Variants in BICC1 observed in about 807,000 individuals in gnomAD.
BICC1 encodes the protein protein bicaudal C homolog 1.
BICC1 carries 43 observed loss-of-function variants against 111.0 expected under a neutral mutation model. The observed-to-expected ratio is 0.39, with a 90% CI of 0.30 to 0.50. The LOEUF is 0.50. BICC1 is among the 20% of genes least tolerant of loss of function. BICC1 has a pLI of 0.88. For missense variants in BICC1, 1,091 were observed against 1,203.2 expected, an observed-to-expected ratio of 0.91 and a Z score of 1.38; for synonymous variants, 467 against 434.4, an observed-to-expected ratio of 1.07 and a Z score of -0.93.
chr10:58,696,920 C>T (rs1840080549), intron 2 of BICC1, among the ~76,000 whole-genome samples: 1 of 152,132 alleles, frequency 6.6e-6, no homozygotes, highest in African/African-American at 2.4e-5. Flanking sequence ...TCTAGGGCTT[C>T]CCCCACCCCC....
intron 3 of BICC1, among the ~76,000 whole-genome samples, chr10:58,721,199 G>A (rs992441085): frequency 5.3e-5 from 8 of 152,116 alleles, no homozygotes; most frequent in South Asian, 2.1e-4. Context: ...TAGGGACATT[G>A]ACCCCCAGCA....
At chr10:58,572,690 T>C (rs1843996806) in intron 1 of BICC1, among the ~76,000 whole-genome samples, 1 of 152,130 alleles carries the variant, frequency 6.6e-6, no homozygotes, top group Non-Finnish European at 1.5e-5. Context: ...TGTCTACCTG[T>C]AGATATATAG....
At chr10:58,814,619 A>G (rs1466271314) in intron 18 of BICC1, among the ~76,000 whole-genome samples, 3 of 12,274 alleles carry the variant, frequency 2.4e-4, no homozygotes, top group Non-Finnish European at 6.3e-4. Flanking sequence ...CATCTCTACT[A>G]AAAAAAAAAA....
At position 58,707,489 on chromosome 10, in the gene BICC1, TA is replaced by T. The variant is rs926639270; in HGVS notation, c.307+5355del. On this transcript the variant is annotated intron_variant, in intron 3 of 20. Transcript: ENST00000373886. ...CAATAGTAAAATAACCCAACTAGGT[TA>T]AAAAAAAATAGAGTGTAAGGGCATT... 2.1e-4 allele frequency among the ~76,000 whole-genome samples: 31 copies of T among 150,820 alleles called. 1 individual carries two copies. The highest frequency in any genetic ancestry group is 7.9e-4 in the Admixed American group (12 of 15,130).
At chr10:58,518,247 GGT>G (rs1225067612) in intron 1 of BICC1, among the ~76,000 whole-genome samples, 4 of 152,124 alleles carry the variant, frequency 2.6e-5, no homozygotes, top group Non-Finnish European at 5.9e-5. Flanking sequence ...TCTCTCTTCT[GGT>G]TGTAAGTTGC....
intron 2 of BICC1, among the ~76,000 whole-genome samples, chr10:58,637,158 T>C (rs1015118575): frequency 6.6e-6 from 1 of 152,246 alleles, no homozygotes; most frequent in African/African-American, 2.4e-5. Flanking sequence ...TTTAAATATG[T>C]TTATGTATTT....
chr10:58,640,836 G>A (rs149167119), intron 2 of BICC1, among the ~76,000 whole-genome samples: 1,865 of 152,258 alleles, frequency 0.012, 35 homozygotes, highest in African/African-American at 0.043. Context: ...ATTACATGGT[G>A]AACACATCAA....
chr10:58,788,559 A>G, intron 6 of BICC1, 136 bp downstream of exon 6: 2 of 581,248 alleles, frequency 3.4e-6, no homozygotes, highest in East Asian at 5.9e-5. Flanking sequence ...AAGTTATTTT[A>G]GTGTCTATCT....
At chr10:58,797,071 C>G (rs1364117694) in intron 10 of BICC1, among the ~76,000 whole-genome samples, 1 of 152,098 alleles carries the variant, frequency 6.6e-6, no homozygotes, top group Non-Finnish European at 1.5e-5. Flanking sequence ...GAAGAATGAA[C>G]AAACGTCATC....
chr10:58,714,897 C>T (rs1055776412), intron 3 of BICC1, among the ~76,000 whole-genome samples: 4 of 149,774 alleles, frequency 2.7e-5, no homozygotes, highest in African/African-American at 7.4e-5. Context: ...AAGATAGTGG[C>T]AACAATACAG....
intron 3 of BICC1, among the ~76,000 whole-genome samples, chr10:58,706,818 A>G (rs558792664): frequency 4.6e-5 from 7 of 152,328 alleles, no homozygotes; most frequent in Non-Finnish European, 7.3e-5. Context: ...CTGTGGGTCA[A>G]TTAAAGCTCT....
Position 58,799,038 on chromosome 10 carries a change from C to G in BICC1, c.1529-18C>G. ...TGAGTTTCTTCCTAATATCTGTCATCATAAAATGTTGTTGTAGGTTTTTCT... is the reference window on the plus strand; with the variant it reads ...TGAGTTTCTTCCTAATATCTGTCATGATAAAATGTTGTTGTAGGTTTTTCT... On this transcript the variant is annotated intron_variant, in intron 11 of 20. Coordinates refer to ENST00000373886, the MANE Select transcript of BICC1 (RefSeq NM_001080512.3). The G allele has an allele frequency of 6.7e-7, 1 of 1,500,996 alleles. No homozygotes were observed. Among genetic ancestry groups the G allele is most frequent in the Non-Finnish European group, 9.0e-7 (1 of 1,106,290 alleles). The allele number at this position is 1,500,996 out of a possible 1,614,324, so 93.0% of individuals were successfully genotyped here.
intron 3 of BICC1, among the ~76,000 whole-genome samples, chr10:58,771,300 T>A (rs1214349941): frequency 1.3e-5 from 2 of 152,164 alleles, no homozygotes; most frequent in Admixed American, 6.5e-5. Flanking sequence ...ACAAAAATTA[T>A]GAGGAAATAG....
chr10:58,648,321 A>G (rs1378919816), intron 2 of BICC1, among the ~76,000 whole-genome samples: 1 of 152,204 alleles, frequency 6.6e-6, no homozygotes, highest in Non-Finnish European at 1.5e-5. Flanking sequence ...AACAGATTGT[A>G]CACAACTCAG....
At position 58,560,818 on chromosome 10, in the gene BICC1, A is replaced by G. The variant is rs549199218; in HGVS notation, c.190+47485A>G. Among the ~76,000 whole-genome samples, 43 of 152,062 alleles carry G rather than the reference A, an allele frequency of 2.8e-4. 1 individual carries two copies. The South Asian group carries it at 7.9e-3, about 28-fold the overall frequency. The stretch of plus-strand genomic sequence containing the variant: ...TTTCTTCATCACTCTACTGGACTCT[A>G]CTGGTGTTCAGGAACATATTTTCAT... On this transcript the variant is annotated intron_variant, in intron 1 of 20. Coordinates refer to ENST00000373886, the MANE Select transcript of BICC1 (RefSeq NM_001080512.3).
chr10:58,767,043 G>T (rs1250191010), intron 3 of BICC1, among the ~76,000 whole-genome samples: 1 of 152,154 alleles, frequency 6.6e-6, no homozygotes, highest in Non-Finnish European at 1.5e-5. Flanking sequence ...TAGGAGGCCT[G>T]CCCATGAGCT....
chr10:58,737,487 T>C (rs548320260), intron 3 of BICC1, among the ~76,000 whole-genome samples: 121 of 152,284 alleles, frequency 7.9e-4, no homozygotes, highest in African/African-American at 2.9e-3. Context: ...TTTTCTTAAT[T>C]CAGTCTATCA....
intron 3 of BICC1, among the ~76,000 whole-genome samples, chr10:58,769,281 TCAACA>T (rs1260996043): frequency 1.5e-5 from 1 of 68,198 alleles, no homozygotes. Context: ...TTAAATGTTC[TCAACA>T]CACACACACA....
At chr10:58,715,837 A>G (rs541126851) in intron 3 of BICC1, 1 of 1,275,320 alleles carries the variant, frequency 7.8e-7, no homozygotes, top group Admixed American at 2.0e-5. Context: ...ACAGAGAAAG[A>G]AAAAAGAAAA....
Sources: gnomAD v4.1 joint callset for allele counts (sites outside exome capture counted in the v4.1 genomes callset) on GRCh38, gnomAD v4.1.1 for gene constraint, MANE v1.5 for transcripts, NCBI Gene and HGNC (gene_info 2026-07-23, HGNC 2026-07-21) for gene names.